BTBD9: variants seen among roughly 807,000 people sequenced by gnomAD.
BTBD9 encodes the protein BTB/POZ domain-containing protein 9.
Under a neutral mutation model 64.3 loss-of-function variants are expected in BTBD9, and 49 were observed. That is an observed-to-expected ratio of 0.76 (90% CI 0.61 to 0.97). The LOEUF is 0.97. Ranked by LOEUF, BTBD9 falls within the 50% of genes least tolerant of loss-of-function variation. The pLI is 0.00. For missense variants in BTBD9, 598 were observed against 762.1 expected (o/e 0.78, Z 2.53); for synonymous variants, 260 against 274.7 (o/e 0.95, Z 0.53).
At chr6:38,215,487 G>C (rs529589807) in intron 9 of BTBD9, among the ~76,000 whole-genome samples, 9 of 152,296 alleles carry the variant, frequency 5.9e-5, no homozygotes, top group African/African-American at 2.2e-4. Context: ...CTCAAGAGCT[G>C]CTAATGAAGG....
chr6:38,192,463 C>G (rs534894145), intron 10 of BTBD9, 56 bp downstream of exon 10: 4 of 1,454,926 alleles, frequency 2.7e-6, no homozygotes, highest in Non-Finnish European at 3.9e-6. Context: ...CAGGATGTAG[C>G]ATTTACCTGT....
In BTBD9 at chr6:38,341,789, A is replaced by G. The variant is rs148956074; in HGVS notation, c.1264+3195T>C. ...CATCACAGGCTGACTCTCCCAGGAA[A>G]GAATACATTCTAGCAAGATCCAGAG... On this transcript the variant is annotated intron_variant, in intron 7 of 10. Coordinates refer to ENST00000481247, the MANE Select transcript of BTBD9 (RefSeq NM_001099272.2). Among the ~76,000 whole-genome samples the G allele has an allele frequency of 2.6e-3, 400 of 152,382 alleles. 4 individuals carry two copies. Among genetic ancestry groups the G allele is most frequent in the African/African-American group, 9.2e-3 (384 of 41,594 alleles).
Position 38,173,922 on chromosome 6 carries a change from G to A in BTBD9, c.*1063C>T, listed in dbSNP as rs1022663859. 6.6e-6 allele frequency: 1 copy of A among 152,236 alleles called. No homozygotes were observed. The highest frequency in any genetic ancestry group is 1.5e-5 in the Non-Finnish European group (1 of 68,058). 9.4% of individuals were successfully genotyped at this position (152,236 alleles called of 1,614,324 possible). ...ATGAGGTCCTTTTGATGAGGATTAG[G>A]AGAAAAGCTTCTTGGAACTGCTATT... On this transcript the variant is annotated 3_prime_UTR_variant, in exon 11 of 11. Coordinates refer to ENST00000481247, the MANE Select transcript of BTBD9 (RefSeq NM_001099272.2).
rs939795605 is a variant in BTBD9, at chr6:38,576,077, C to T, written c.1154+1523G>A. Among the ~76,000 whole-genome samples, 4 of 152,236 alleles carry T rather than the reference C, an allele frequency of 2.6e-5. No homozygotes were observed. The South Asian group carries it at 8.3e-4, about 32-fold the overall frequency. On this transcript the variant is annotated intron_variant, in intron 6 of 10. Coordinates refer to ENST00000481247, the MANE Select transcript of BTBD9 (RefSeq NM_001099272.2). ...ATTATTATATTCATAATGATTTGTTCTGGGAGTCATGTTCCTGTTGTTTCA... is the reference window on the plus strand; with the variant it reads ...ATTATTATATTCATAATGATTTGTTTTGGGAGTCATGTTCCTGTTGTTTCA...
chr6:38,411,583 C>G (rs1240448960), intron 6 of BTBD9, among the ~76,000 whole-genome samples: 1 of 151,998 alleles, frequency 6.6e-6, no homozygotes, highest in Non-Finnish European at 1.5e-5. Flanking sequence ...TCATACTGTA[C>G]ATGAGGATAA....
chr6:38,526,166 T>C (rs1045041616), intron 6 of BTBD9, among the ~76,000 whole-genome samples: 6 of 152,222 alleles, frequency 3.9e-5, no homozygotes, highest in Non-Finnish European at 8.8e-5. Context: ...CTGTGCAGCC[T>C]TGGGACACAG....
At chr6:38,457,853 G>A (rs1220446803) in intron 6 of BTBD9, among the ~76,000 whole-genome samples, 1 of 152,056 alleles carries the variant, frequency 6.6e-6, no homozygotes, top group African/African-American at 2.4e-5. Context: ...TTAGTTCTTC[G>A]GATCCACAGA....
At chr6:38,538,082 T>C (rs993563912) in intron 6 of BTBD9, among the ~76,000 whole-genome samples, 2 of 152,202 alleles carry the variant, frequency 1.3e-5, no homozygotes, top group Non-Finnish European at 2.9e-5. Flanking sequence ...GTTTAATCTG[T>C]ACCCTTACTA....
At chr6:38,435,641 C>T (rs1768690820) in intron 6 of BTBD9, among the ~76,000 whole-genome samples, 1 of 114,114 alleles carries the variant, frequency 8.8e-6, no homozygotes, top group South Asian at 3.6e-4. Flanking sequence ...TTCCTCCCTC[C>T]CTCCTTCCTT....
chr6:38,324,247 A>G (rs1273554476), intron 7 of BTBD9, among the ~76,000 whole-genome samples: 1 of 152,238 alleles, frequency 6.6e-6, no homozygotes, highest in African/African-American at 2.4e-5. Flanking sequence ...AACAGCTTAG[A>G]GATAGGCCAA....
intron 1 of BTBD9, among the ~76,000 whole-genome samples, chr6:38,604,019 G>A (rs564657662): frequency 2.6e-4 from 40 of 152,170 alleles, no homozygotes; most frequent in Non-Finnish European, 5.6e-4. Flanking sequence ...CACTTCTCTT[G>A]ATATATACTC....
At chr6:38,267,616 C>T (rs941064196) in intron 8 of BTBD9, among the ~76,000 whole-genome samples, 1 of 152,176 alleles carries the variant, frequency 6.6e-6, no homozygotes, top group Non-Finnish European at 1.5e-5. Context: ...AGCACAATGC[C>T]TTACACATCA....
At chr6:38,252,963 A>G (rs1764450574) in intron 9 of BTBD9, among the ~76,000 whole-genome samples, 1 of 152,020 alleles carries the variant, frequency 6.6e-6, no homozygotes, top group African/African-American at 2.4e-5. Flanking sequence ...AAAATACAAA[A>G]ATTAGCTTGG....
intron 9 of BTBD9, among the ~76,000 whole-genome samples, chr6:38,201,001 C>A (rs1762444875): frequency 6.6e-6 from 1 of 150,842 alleles, no homozygotes. Flanking sequence ...GCCTGGGCAA[C>A]AGAGCAAGAC....
chr6:38,299,847 A>AG (rs1173607320), intron 7 of BTBD9, among the ~76,000 whole-genome samples: 1 of 152,050 alleles, frequency 6.6e-6, no homozygotes, highest in African/African-American at 2.4e-5. Context: ...GCTGTGCAGA[A>AG]GCTCTTTAGT....
At chr6:38,341,192 A>G (rs1764084898) in intron 7 of BTBD9, among the ~76,000 whole-genome samples, 1 of 152,318 alleles carries the variant, frequency 6.6e-6, no homozygotes, top group Non-Finnish European at 1.5e-5. Flanking sequence ...CTCAACCTAT[A>G]AAAACACATT....
At chr6:38,215,215 G>C (rs1202120691) in intron 9 of BTBD9, among the ~76,000 whole-genome samples, 3 of 152,160 alleles carry the variant, frequency 2.0e-5, no homozygotes, top group Admixed American at 2.0e-4. Flanking sequence ...TTATGAATAA[G>C]CTCTCGGTCA....
rs111342980 is a variant in BTBD9 at position 38,476,341 on chromosome 6, G to C, written c.1154+101259C>G. 7.3e-3 allele frequency among the ~76,000 whole-genome samples: 1,114 copies of C among 152,250 alleles called. 9 individuals carry two copies. Among genetic ancestry groups the C allele is most frequent in the African/African-American group, 0.025 (1,053 of 41,540 alleles). ...ATGAATGCAGACCTGAGTGAAGCCAGGGTGCATAACATGTGCTTATGAGCC... is the reference window on the plus strand; with the variant it reads ...ATGAATGCAGACCTGAGTGAAGCCACGGTGCATAACATGTGCTTATGAGCC... On this transcript the variant is annotated intron_variant, in intron 6 of 10. Transcript: ENST00000481247.
At chr6:38,396,503 GCTGTGTGT>G (rs150420587) in intron 6 of BTBD9, among the ~76,000 whole-genome samples, 4,062 of 152,310 alleles carry the variant, frequency 0.027, 103 homozygotes, top group East Asian at 0.078. Flanking sequence ...TGAACAACCT[GCTGTGTGT>G]CTTGCCATGA....
Sources: gnomAD v4.1 joint callset for allele counts (sites outside exome capture counted in the v4.1 genomes callset) on GRCh38, gnomAD v4.1.1 for gene constraint, MANE v1.5 for transcripts, NCBI Gene and HGNC (gene_info 2026-07-23, HGNC 2026-07-21) for gene names.